CHUK: variants seen among roughly 807,000 people sequenced by gnomAD.
CHUK encodes the protein inhibitor of nuclear factor kappa-B kinase subunit alpha.
Under a neutral mutation model 104.8 loss-of-function variants are expected in CHUK, and 35 were observed. The observed-to-expected ratio is 0.33, with a 90% CI of 0.26 to 0.44. The LOEUF (loss-of-function observed/expected upper bound fraction) is 0.44, where lower values mean the gene tolerates loss of function less well. Ranked by LOEUF, CHUK falls within the 20% of genes least tolerant of loss-of-function variation. The pLI is 1.00. For synonymous variants in CHUK, 276 were observed against 291.9 expected (o/e 0.95, Z 0.56); for missense variants, 663 against 902.7 (o/e 0.73, Z 3.40).
chr10:100,195,899 G>A (rs550238122), intron 16 of CHUK: 2 of 152,274 alleles, frequency 1.3e-5, no homozygotes, highest in South Asian at 2.1e-4. Context: ...TGCTATCACT[G>A]TGTATCTGTG....
intron 19 of CHUK, among the ~76,000 whole-genome samples, chr10:100,191,191 A>G (rs1308411304): frequency 6.6e-6 from 1 of 152,232 alleles, no homozygotes; most frequent in Non-Finnish European, 1.5e-5. Flanking sequence ...TAATGATAAG[A>G]AGTCCACTAT....
intron 10 of CHUK, among the ~76,000 whole-genome samples, chr10:100,209,352 G>A (rs1845667754): frequency 6.6e-6 from 1 of 152,148 alleles, no homozygotes; most frequent in South Asian, 2.1e-4. Flanking sequence ...CTGACCCTCA[G>A]TTTGGTCTGG....
In CHUK at chr10:100,220,694, T is replaced by C. The variant is rs374575744; in HGVS notation, c.386-18A>G. 36 of 1,542,562 alleles carry C rather than the reference T, an allele frequency of 2.3e-5. No individual in the cohort carries two copies. The African/African-American group carries it at 3.7e-4, about 16-fold the overall frequency. ...CCCAGACCCTAAATAAAGTTTAAAA[T>C]ATACTTTAAAGTAACAGAAATCATT... On this transcript the variant is annotated intron_variant, in intron 4 of 20. Coordinates refer to ENST00000370397, the MANE Select transcript of CHUK (RefSeq NM_001278.5).
chr10:100,209,674 C>A lies in CHUK; in HGVS notation c.1049G>T (p.Gly350Val). 2.5e-6 allele frequency: 4 copies of A among 1,606,976 alleles called. No individual in the cohort carries two copies. Among genetic ancestry groups the A allele is most frequent in the Non-Finnish European group, 3.4e-6 (4 of 1,173,608 alleles). ...TGTCTCTGAAAGAAGTTCTTGAGAA[C>A]CAGTATTTATTCCAGTTTCACGCTC... ...RIERETGINTGSQELLSETGI... is the reference protein window; with the variant it reads ...RIERETGINTVSQELLSETGI... The change falls in exon 10 of 21, where the codon GGT becomes GTT. Residue 350 changes from glycine to valine, a missense_variant. Physicochemically the swap from Gly to Val is moderately radical, Grantham distance 109. Around this residue, in one of 5 missense-constraint regions of CHUK, gnomAD observed 93 missense variants for 95.9 expected, o/e 0.97. Coordinates refer to ENST00000370397, the MANE Select transcript of CHUK (RefSeq NM_001278.5).
chr10:100,193,973 TA>T lies in CHUK; in HGVS notation c.1974+10del. 5 of 1,607,314 alleles carry T rather than the reference TA, an allele frequency of 3.1e-6. No individual in the cohort carries two copies. Among genetic ancestry groups the T allele is most frequent in the Admixed American group, 1.7e-5 (1 of 60,002 alleles). On this transcript the variant is annotated intron_variant, in intron 18 of 20. Coordinates refer to ENST00000370397, the MANE Select transcript of CHUK (RefSeq NM_001278.5). ...AATGTCACATTAAATAATTCATTAA[TA>T]ATTACTTACACAGGCAATTTTAAGG... is the stretch of plus-strand genomic sequence containing the variant.
intron 16 of CHUK, chr10:100,194,753 CA>C: frequency 3.0e-6 from 1 of 338,442 alleles, no homozygotes; most frequent in Non-Finnish European, 5.5e-6. Flanking sequence ...ATAAATTTAT[CA>C]GTAAGAGACC....
At position 100,209,699 on chromosome 10, in the gene CHUK, C is replaced by T. The variant is rs1296393422; in HGVS notation, c.1024G>A (p.Glu342Lys). Reference sequence around the variant, plus strand: ...CCAGTATTTATTCCAGTTTCACGCTCAATACGAGACTGTAGTGAATGAAGA... The same window carrying T: ...CCAGTATTTATTCCAGTTTCACGCTTAATACGAGACTGTAGTGAATGAAGA... ...ESLHSLQSRI[E>K]RETGINTGSQ... The change falls in exon 10 of 21, where the codon GAG (glutamate) becomes AAG (lysine). Residue 342 changes from glutamate (E) to lysine (K), a missense_variant. By Grantham distance (56) the Glu-to-Lys change is moderately conservative. Coordinates refer to ENST00000370397, the MANE Select transcript of CHUK (RefSeq NM_001278.5). 6.3e-7 allele frequency: 1 copy of T among 1,575,762 alleles called. No homozygotes were observed. Among genetic ancestry groups the T allele is most frequent in the African/African-American group, 1.4e-5 (1 of 74,048 alleles).
chr10:100,209,063 T>C (rs1201528356), intron 10 of CHUK, among the ~76,000 whole-genome samples: 1 of 152,196 alleles, frequency 6.6e-6, no homozygotes, highest in African/African-American at 2.4e-5. Flanking sequence ...TGGACCCATT[T>C]AGAGTAAGTA....
chr10:100,205,337 A>G (rs1845566430), intron 11 of CHUK, 138 bp from the exon 12 acceptor site: 1 of 915,018 alleles, frequency 1.1e-6, no homozygotes, highest in Admixed American at 1.8e-5. Flanking sequence ...TGCTAAAAGA[A>G]CCACTTGTTT....
intron 9 of CHUK, among the ~76,000 whole-genome samples, chr10:100,215,329 A>G (rs1845830550): frequency 6.6e-6 from 1 of 152,122 alleles, no homozygotes; most frequent in African/African-American, 2.4e-5. Context: ...ATACAGTTAT[A>G]CAGCAGTTAT....
rs768130950 is a variant in CHUK at position 100,209,704 on chromosome 10, C to T, written c.1019G>A (p.Arg340His). Reference sequence around the variant, plus strand: ...ATTTATTCCAGTTTCACGCTCAATACGAGACTGTAGTGAATGAAGACTTTC... The same window carrying T: ...ATTTATTCCAGTTTCACGCTCAATATGAGACTGTAGTGAATGAAGACTTTC... ...PDESLHSLQS[R>H]IERETGINTG... Residue 340 changes from arginine to histidine, a missense_variant, in exon 10 of 21, where the codon CGT becomes CAT. Physicochemically the swap from Arg to His is conservative, Grantham distance 29 (BLOSUM62 0). This residue lies in a region of CHUK where 93 missense variants were observed against 95.9 expected (regional missense o/e 0.97). Coordinates refer to ENST00000370397, the MANE Select transcript of CHUK (RefSeq NM_001278.5). The T allele has an allele frequency of 1.1e-5, 17 of 1,576,654 alleles. No homozygotes were observed. The highest frequency in any genetic ancestry group is 3.3e-5 in the South Asian group (3 of 90,284).
At chr10:100,202,211 T>G in intron 13 of CHUK, 62 bp from the exon 14 acceptor site, 2 of 1,042,242 alleles carry the variant, frequency 1.9e-6, no homozygotes, top group Non-Finnish European at 3.0e-6. Context: ...ACTGGCTGCC[T>G]GCCTCCTTGC....
chr10:100,189,778 T>G lies in CHUK; in HGVS notation c.2209-151A>C, dbSNP rs1378838689. On this transcript the variant is annotated intron_variant, in intron 20 of 20. Transcript: ENST00000370397. ...ACCTTATTTCCTGATTTAAAAAAAT[T>G]TCAGAGTTTTTTTCATAAATATTTG... is the stretch of plus-strand genomic sequence containing the variant. The G allele has an allele frequency of 4.9e-6, 3 of 609,530 alleles. No individual in the cohort carries two copies. In the Admixed American group the frequency reaches 8.9e-5, roughly 18 times the overall value. 37.8% of individuals were successfully genotyped at this position (609,530 alleles called of 1,614,324 possible).
chr10:100,226,971 G>A (rs1252513499), intron 1 of CHUK, among the ~76,000 whole-genome samples: 2 of 152,296 alleles, frequency 1.3e-5, no homozygotes, highest in African/African-American at 2.4e-5. Context: ...AGGATAGACT[G>A]CATGCTAGCC....
chr10:100,205,562 C>G (rs1426597653), intron 11 of CHUK, among the ~76,000 whole-genome samples: 1 of 152,156 alleles, frequency 6.6e-6, no homozygotes, highest in Non-Finnish European at 1.5e-5. Context: ...TAAATCAAGT[C>G]CCATCTCCTC....
At chr10:100,186,928 C>G (rs944972754), downstream of CHUK, 8 of 152,184 alleles carry the variant, frequency 5.3e-5, no homozygotes, top group East Asian at 1.9e-4. Flanking sequence ...TGAAACTGTT[C>G]CACTTCAGAT....
At chr10:100,226,066 G>T in intron 1 of CHUK, 49 bp from the exon 2 acceptor site, 1 of 1,080,450 alleles carries the variant, frequency 9.3e-7, no homozygotes, top group South Asian at 1.3e-5. Context: ...TTCTTGTGAA[G>T]ATTTATTTGC....
chr10:100,198,295 A>G (rs1456416944), intron 16 of CHUK, among the ~76,000 whole-genome samples: 1 of 152,236 alleles, frequency 6.6e-6, no homozygotes, highest in African/African-American at 2.4e-5. Context: ...CACTGTATAG[A>G]AGAAACACTT....
At chr10:100,203,583 T>C (rs972226367) in intron 13 of CHUK, among the ~76,000 whole-genome samples, 3 of 152,096 alleles carry the variant, frequency 2.0e-5, no homozygotes, top group Non-Finnish European at 4.4e-5. Flanking sequence ...GAAACAAGTA[T>C]TTGTTTCCTA....
Sources: allele counts gnomAD v4.1 joint callset (sites outside exome capture counted in the v4.1 genomes callset), GRCh38; gene constraint gnomAD v4.1.1; regional missense constraint gnomAD v4.1.1; transcripts MANE v1.5; gene names NCBI Gene and HGNC (gene_info 2026-07-23, HGNC 2026-07-21).